Variants in ELMO1 observed in about 807,000 individuals in gnomAD.
ELMO1 encodes engulfment and cell motility 1.
In ELMO1, 26 loss-of-function variants were observed where a neutral mutation model predicts 98.9. The observed-to-expected ratio is 0.26, with a 90% confidence interval of 0.19 to 0.36. The LOEUF is 0.36. Among genes scored for constraint, ELMO1 ranks in the 10% least tolerant of loss-of-function variants. The pLI is 1.00. For missense variants in ELMO1, 627 were observed against 935.2 expected (o/e 0.67, Z 4.30); for synonymous variants, 346 against 346.0 (o/e 1.00, Z 0.00).
intron 1 of ELMO1, among the ~76,000 whole-genome samples, chr7:37,385,421 C>T (rs1265448865): frequency 6.6e-6 from 1 of 152,188 alleles, no homozygotes; most frequent in Non-Finnish European, 1.5e-5. Context: ...CAACATTTCC[C>T]GAACTGCCCT....
chr7:36,900,767 G>T (rs1316875697), intron 16 of ELMO1, among the ~76,000 whole-genome samples: 1 of 152,190 alleles, frequency 6.6e-6, no homozygotes, highest in Non-Finnish European at 1.5e-5. Flanking sequence ...ACGAGAAAAG[G>T]CTGTCTTAGG....
At chr7:37,356,111 T>C (rs1801482723) in intron 1 of ELMO1, among the ~76,000 whole-genome samples, 1 of 152,134 alleles carries the variant, frequency 6.6e-6, no homozygotes, top group South Asian at 2.1e-4. Context: ...CTGCTCTCCT[T>C]TCTCCCATCT....
intron 3 of ELMO1, 95 bp from the exon 4 acceptor site, chr7:37,315,017 T>C (rs1437930049): frequency 1.8e-6 from 2 of 1,119,286 alleles, no homozygotes; most frequent in Non-Finnish European, 1.3e-6. Context: ...CACCCTGTGA[T>C]TGGAATTGGA....
chr7:37,240,970 G>A (rs1328693029), intron 7 of ELMO1, among the ~76,000 whole-genome samples: 1 of 151,928 alleles, frequency 6.6e-6, no homozygotes, highest in African/African-American at 2.4e-5. Flanking sequence ...GACAATTAAG[G>A]CAAGACCTTT....
chr7:37,165,959 T>C (rs993323569), intron 13 of ELMO1, among the ~76,000 whole-genome samples: 2 of 152,168 alleles, frequency 1.3e-5, no homozygotes, highest in Admixed American at 6.5e-5. Flanking sequence ...TGTGAATCCA[T>C]CTGGTCCTGG....
intron 15 of ELMO1, among the ~76,000 whole-genome samples, chr7:37,060,925 C>A (rs1274355774): frequency 6.7e-6 from 1 of 149,848 alleles, no homozygotes; most frequent in Admixed American, 6.6e-5. Context: ...TTTCTGTCCA[C>A]AGAGGCTCCT....
At chr7:37,172,277 A>C (rs947162243) in intron 13 of ELMO1, among the ~76,000 whole-genome samples, 1 of 150,674 alleles carries the variant, frequency 6.6e-6, no homozygotes, top group Non-Finnish European at 1.5e-5. Flanking sequence ...TAAAGGGTTG[A>C]GGGTGGAGAG....
intron 6 of ELMO1, among the ~76,000 whole-genome samples, chr7:37,246,565 A>G (rs1477992552): frequency 6.6e-6 from 1 of 152,236 alleles, no homozygotes; most frequent in East Asian, 1.9e-4. Context: ...AAGACATACA[A>G]TATGGGTCTT....
chr7:37,170,402 A>G (rs919317924), intron 13 of ELMO1, among the ~76,000 whole-genome samples: 1 of 152,166 alleles, frequency 6.6e-6, no homozygotes, highest in Non-Finnish European at 1.5e-5. Flanking sequence ...GATATACCAG[A>G]GCAGTTACTA....
intron 15 of ELMO1, among the ~76,000 whole-genome samples, chr7:37,055,403 C>G (rs528303483): frequency 6.6e-6 from 1 of 152,152 alleles, no homozygotes; most frequent in Non-Finnish European, 1.5e-5. Context: ...AGGAGACAAA[C>G]AAAGACTCCT....
chr7:36,854,706 C>T lies in ELMO1; in HGVS notation c.*845G>A, dbSNP rs184340587. 7 of 152,702 alleles carry T rather than the reference C, an allele frequency of 4.6e-5. No individual in the cohort carries two copies. The highest frequency in any genetic ancestry group is 3.9e-4 in the East Asian group (2 of 5,166). The allele number at this position is 152,702 out of a possible 1,614,324, so 9.5% of individuals were successfully genotyped here. Reference sequence around the variant, plus strand: ...ACCAAACGCTTGGATAGCAACAGTCCGTCCTAGAGGCATTTAGGTTTAGTC... The same window carrying T: ...ACCAAACGCTTGGATAGCAACAGTCTGTCCTAGAGGCATTTAGGTTTAGTC... On this transcript the variant is annotated 3_prime_UTR_variant, in exon 22 of 22. Transcript: ENST00000310758.
At chr7:37,060,228 C>A (rs1375546019) in intron 15 of ELMO1, among the ~76,000 whole-genome samples, 1 of 152,158 alleles carries the variant, frequency 6.6e-6, no homozygotes, top group Non-Finnish European at 1.5e-5. Flanking sequence ...GAAGACTTGT[C>A]TTTTAATGAG....
intron 14 of ELMO1, among the ~76,000 whole-genome samples, chr7:37,112,888 C>T (rs924578524): frequency 6.6e-6 from 1 of 152,156 alleles, no homozygotes; most frequent in Non-Finnish European, 1.5e-5. Context: ...GGGAACATTA[C>T]CACCTAAATT....
At chr7:37,401,067 C>T (rs1803507596) in intron 1 of ELMO1, among the ~76,000 whole-genome samples, 1 of 152,064 alleles carries the variant, frequency 6.6e-6, no homozygotes, top group South Asian at 2.1e-4. Context: ...AAGGAAAACC[C>T]CTAGGAACCC....
chr7:37,119,384 T>C (rs1172107027), intron 14 of ELMO1, among the ~76,000 whole-genome samples: 2 of 152,218 alleles, frequency 1.3e-5, no homozygotes, highest in Admixed American at 1.3e-4. Context: ...CAAAAGATAG[T>C]AGCTTTTCTC....
At chr7:37,149,919 C>T (rs1488819898) in intron 13 of ELMO1, among the ~76,000 whole-genome samples, 2 of 152,158 alleles carry the variant, frequency 1.3e-5, no homozygotes, top group Non-Finnish European at 2.9e-5. Context: ...ATTTTATAGA[C>T]TCCCAAATGT....
chr7:37,111,166 G>T (rs911314506), intron 14 of ELMO1, among the ~76,000 whole-genome samples: 1 of 152,136 alleles, frequency 6.6e-6, no homozygotes. Context: ...TTCTCTGCAG[G>T]CTCCTGCCCT....
chr7:37,381,668 A>G (rs1802588275), intron 1 of ELMO1, among the ~76,000 whole-genome samples: 1 of 152,162 alleles, frequency 6.6e-6, no homozygotes. Flanking sequence ...CCACAAACCA[A>G]TGTCGAGGGA....
chr7:37,340,630 T>C (rs1020587771), intron 2 of ELMO1, among the ~76,000 whole-genome samples: 23 of 152,288 alleles, frequency 1.5e-4, no homozygotes, highest in Non-Finnish European at 1.5e-4. Flanking sequence ...TGTACCAAGA[T>C]TAAGATATTA....
Sources: allele counts gnomAD v4.1 joint callset (sites outside exome capture counted in the v4.1 genomes callset), GRCh38; gene constraint gnomAD v4.1.1; transcripts MANE v1.5; gene names NCBI Gene and HGNC (gene_info 2026-07-23, HGNC 2026-07-21).